Variants in CCDC85C observed in about 807,000 individuals in gnomAD.
The protein encoded by CCDC85C is coiled-coil domain containing 85C.
CCDC85C carries 18 observed loss-of-function variants against 38.3 expected under a neutral mutation model. The ratio of observed to expected loss-of-function variants is 0.47; its 90% CI spans 0.33 to 0.70. The LOEUF (loss-of-function observed/expected upper bound fraction) is 0.70, where lower values mean the gene tolerates loss of function less well. CCDC85C is among the 30% of genes least tolerant of loss of function. CCDC85C has a pLI of 0.03. For synonymous variants in CCDC85C, 264 were observed against 293.8 expected, an observed-to-expected ratio of 0.90 and a Z score of 1.04; for missense variants, 566 against 621.2, an observed-to-expected ratio of 0.91 and a Z score of 0.94.
At chr14:99,518,859 G>A (rs1041126831) in intron 3 of CCDC85C, among the ~76,000 whole-genome samples, 4 of 152,184 alleles carry the variant, frequency 2.6e-5, no homozygotes, top group African/African-American at 9.6e-5. Context: ...ACTGGGCAGT[G>A]GTGGGTGCCA....
chr14:99,502,586 C>G lies in CCDC85C; in HGVS notation c.*12660G>C. 1 of 1,205,730 alleles carries G rather than the reference C, an allele frequency of 8.3e-7. No individual in the cohort carries two copies. The highest frequency in any genetic ancestry group is 2.5e-5 in the East Asian group (1 of 39,316). The allele number at this position is 1,205,730 out of a possible 1,614,324, so 74.7% of individuals were successfully genotyped here. Reference sequence around the variant, plus strand: ...AAATACACACCAGTGTTGCACACAACGAAGATGGGGTGAGTTGTAAATGTG... The same window carrying G: ...AAATACACACCAGTGTTGCACACAAGGAAGATGGGGTGAGTTGTAAATGTG... On this transcript the variant is annotated 3_prime_UTR_variant, in exon 6 of 6. Coordinates refer to ENST00000380243, the MANE Select transcript of CCDC85C (RefSeq NM_001144995.2).
chr14:99,538,044 T>G (rs1015547143), intron 1 of CCDC85C, among the ~76,000 whole-genome samples: 2 of 152,172 alleles, frequency 1.3e-5, no homozygotes, highest in Non-Finnish European at 2.9e-5. Flanking sequence ...CACCAATGAC[T>G]ATGGACCCAC....
chr14:99,532,084 C>T (rs905245722), intron 2 of CCDC85C, among the ~76,000 whole-genome samples: 1 of 152,206 alleles, frequency 6.6e-6, no homozygotes, highest in Non-Finnish European at 1.5e-5. Context: ...CCAATGTGGC[C>T]ACTCAGACCC....
chr14:99,521,271 C>T (rs1336879922), intron 3 of CCDC85C, among the ~76,000 whole-genome samples: 4 of 152,180 alleles, frequency 2.6e-5, no homozygotes, highest in Admixed American at 1.3e-4. Context: ...CGGCCATTGG[C>T]GGGCTTTGCT....
In CCDC85C at chr14:99,535,916, G is replaced by A. The variant is rs1595348298; in HGVS notation, c.867+99C>T. 2.3e-6 allele frequency: 2 copies of A among 879,182 alleles called. No homozygotes were observed. The allele number at this position is 879,182 out of a possible 1,614,324, so 54.5% of individuals were successfully genotyped here. A position where few individuals can be genotyped will look rare whatever the true frequency, so the allele number is the denominator to read the frequency against. On this transcript the variant is annotated intron_variant, in intron 2 of 5. Coordinates refer to ENST00000380243, the MANE Select transcript of CCDC85C (RefSeq NM_001144995.2). This position sits in a 1 kb window ranked among gnomAD's most constrained non-coding sequence, Gnocchi z 5.5. ...CAGGTGGCAGTGGGAGCAGTTGGGG[G>A]GACAGCCTAGGTCCCAAGGGGAAGG...
Position 99,501,622 on chromosome 14 carries a change from T to A in CCDC85C, c.*13624A>T. On this transcript the variant is annotated 3_prime_UTR_variant, in exon 6 of 6. Coordinates refer to ENST00000380243, the MANE Select transcript of CCDC85C (RefSeq NM_001144995.2). ...TCTGCCCTGCCGTGTCATGGTGTTG[T>A]GAGGTGCTGAAATTTTATCACCAGT... 2 of 539,746 alleles carry A rather than the reference T, an allele frequency of 3.7e-6. No individual in the cohort carries two copies. The highest frequency in any genetic ancestry group is 3.3e-6 in the Non-Finnish European group (1 of 307,426). The allele number at this position is 539,746 out of a possible 1,614,324, so 33.4% of individuals were successfully genotyped here.
At chr14:99,567,228 C>T (rs1454510869) in intron 1 of CCDC85C, among the ~76,000 whole-genome samples, 1 of 152,062 alleles carries the variant, frequency 6.6e-6, no homozygotes, top group Non-Finnish European at 1.5e-5. Flanking sequence ...ATTCACAAGT[C>T]ACCCTAAAGC....
At chr14:99,580,554 G>A (rs895871024) in intron 1 of CCDC85C, among the ~76,000 whole-genome samples, 2 of 151,782 alleles carry the variant, frequency 1.3e-5, no homozygotes, top group Non-Finnish European at 2.9e-5. Context: ...AAAACGCCTG[G>A]CTAATGGTGT....
chr14:99,574,245 C>T (rs2139966657), intron 1 of CCDC85C, among the ~76,000 whole-genome samples: 1 of 152,284 alleles, frequency 6.6e-6, no homozygotes, highest in South Asian at 2.1e-4. Flanking sequence ...AAGACCTCAG[C>T]CTCCCACCAG....
At chr14:99,590,645 G>T (rs933441169) in intron 1 of CCDC85C, among the ~76,000 whole-genome samples, 5 of 152,308 alleles carry the variant, frequency 3.3e-5, no homozygotes, top group Non-Finnish European at 5.9e-5. Context: ...GGGCTTTCAC[G>T]TGACCTTCCC....
chr14:99,530,970 T>TC (rs1897481318), intron 2 of CCDC85C, among the ~76,000 whole-genome samples: 2 of 152,066 alleles, frequency 1.3e-5, no homozygotes, highest in South Asian at 2.1e-4. Flanking sequence ...GTGGTTTAAG[T>TC]CCCCCAGTCT....
rs748221414 is a variant in CCDC85C at position 99,502,747 on chromosome 14, C to T, written c.*12499G>A. The T allele has an allele frequency of 1.2e-6, 2 of 1,613,592 alleles. No homozygotes were observed. Among genetic ancestry groups the T allele is most frequent in the East Asian group, 2.2e-5 (1 of 44,886 alleles). ...TCTGCCACCAAATCCTGGATCTTTACTCACAAGGAAAACAACAGATGCCTC... is the reference window on the plus strand; with the variant it reads ...TCTGCCACCAAATCCTGGATCTTTATTCACAAGGAAAACAACAGATGCCTC... On this transcript the variant is annotated 3_prime_UTR_variant, in exon 6 of 6. Coordinates refer to ENST00000380243, the MANE Select transcript of CCDC85C (RefSeq NM_001144995.2).
intron 1 of CCDC85C, among the ~76,000 whole-genome samples, chr14:99,599,083 A>T (rs926537937): frequency 6.6e-6 from 1 of 152,172 alleles, no homozygotes; most frequent in Non-Finnish European, 1.5e-5. Context: ...TAGGAAAAGC[A>T]GCCTTATTAG....
chr14:99,572,203 T>A lies in CCDC85C; in HGVS notation c.793+30964A>T, dbSNP rs1219438641. On this transcript the variant is annotated intron_variant, in intron 1 of 5. Coordinates refer to ENST00000380243, the MANE Select transcript of CCDC85C (RefSeq NM_001144995.2). The surrounding 1 kb of genome is among the most constrained non-coding windows in gnomAD (Gnocchi z 4.4). Reference sequence around the variant, plus strand: ...GAAAGACCTCCAGGGTGGGCTTCAGTGGCCCTGGCCCCAGCAGCGTTAGTG... The same window carrying A: ...GAAAGACCTCCAGGGTGGGCTTCAGAGGCCCTGGCCCCAGCAGCGTTAGTG... Among the ~76,000 whole-genome samples, 1 of 152,188 alleles carries A rather than the reference T, an allele frequency of 6.6e-6. No individual in the cohort carries two copies.
rs1897173060 is a variant in CCDC85C at position 99,513,549 on chromosome 14, C to T, written c.*1697G>A. On this transcript the variant is annotated 3_prime_UTR_variant, in exon 6 of 6. Transcript: ENST00000380243. ...GCTAAGATGGGGGGCGTGAGCCTTT[C>T]CCCTGAGAGCAAACGGGCAGCAAGA... 6.6e-6 allele frequency: 1 copy of T among 152,318 alleles called. No homozygotes were observed. The highest frequency in any genetic ancestry group is 6.5e-5 in the Admixed American group (1 of 15,290). 9.4% of individuals were successfully genotyped at this position (152,318 alleles called of 1,614,324 possible). A position where few individuals can be genotyped will look rare whatever the true frequency, so the allele number is the denominator to read the frequency against.
rs1363848139 is a variant in CCDC85C at position 99,516,968 on chromosome 14, CCA to C, written c.1071+118_1071+119del. 7 of 924,640 alleles carry C rather than the reference CCA, an allele frequency of 7.6e-6. No homozygotes were observed. The highest frequency in any genetic ancestry group is 6.6e-5 in the African/African-American group (4 of 60,966). 57.3% of individuals were successfully genotyped at this position (924,640 alleles called of 1,614,324 possible). A position where few individuals can be genotyped will look rare whatever the true frequency, so the allele number is the denominator to read the frequency against. On this transcript the variant is annotated intron_variant, in intron 4 of 5. Transcript: ENST00000380243. This position sits in a 1 kb window ranked among gnomAD's most constrained non-coding sequence, Gnocchi z 5.5. ...CAGGCAGCCATGGTCACCCAGCCACCCACACACAGATGAAACCTCCCACCCCT... is the reference window on the plus strand; with the variant it reads ...CAGGCAGCCATGGTCACCCAGCCACCCACACAGATGAAACCTCCCACCCCT...
In CCDC85C at chr14:99,569,585, C is replaced by T. The variant is rs943133088; in HGVS notation, c.794-33497G>A. 9.2e-5 allele frequency among the ~76,000 whole-genome samples: 14 copies of T among 152,288 alleles called. No homozygotes were observed. The highest frequency in any genetic ancestry group is 1.8e-4 in the Non-Finnish European group (12 of 68,022). On this transcript the variant is annotated intron_variant, in intron 1 of 5. Transcript: ENST00000380243. This position sits in a 1 kb window ranked among gnomAD's most constrained non-coding sequence, Gnocchi z 4.3. ...GAGACAGTGATTCAACGGTCCCAGG[C>T]CAAAAAGCCAGGACACTCCAGAGCC...
At chr14:99,591,859 C>T (rs144758780) in intron 1 of CCDC85C, among the ~76,000 whole-genome samples, 5 of 152,072 alleles carry the variant, frequency 3.3e-5, no homozygotes, top group Middle Eastern at 3.4e-3. Context: ...CTCAGCCTCC[C>T]GAGTAACTGG....
chr14:99,502,638 A>G lies in CCDC85C; in HGVS notation c.*12608T>C. 1 of 1,368,522 alleles carries G rather than the reference A, an allele frequency of 7.3e-7. No individual in the cohort carries two copies. Among genetic ancestry groups the G allele is most frequent in the Non-Finnish European group, 1.0e-6 (1 of 977,346 alleles). 84.8% of individuals were successfully genotyped at this position (1,368,522 alleles called of 1,614,324 possible). A position where few individuals can be genotyped will look rare whatever the true frequency, so the allele number is the denominator to read the frequency against. On this transcript the variant is annotated 3_prime_UTR_variant, in exon 6 of 6. Coordinates refer to ENST00000380243, the MANE Select transcript of CCDC85C (RefSeq NM_001144995.2). Reference sequence around the variant, plus strand: ...TTCATGCTTAGGTCCTCGTAGGGGTATCATAACTGATTCTTTATCCAGGTA... The same window carrying G: ...TTCATGCTTAGGTCCTCGTAGGGGTGTCATAACTGATTCTTTATCCAGGTA...
Sources: allele counts gnomAD v4.1 joint callset (sites outside exome capture counted in the v4.1 genomes callset), GRCh38; gene constraint gnomAD v4.1.1; non-coding constraint Gnocchi (gnomAD v3.1); transcripts MANE v1.5; gene names NCBI Gene and HGNC (gene_info 2026-07-23, HGNC 2026-07-21).